Variants in MS4A4E observed in about 807,000 individuals in gnomAD.
The protein encoded by MS4A4E is membrane spanning 4-domains A4E, also known as putative membrane-spanning 4-domains subfamily A member 4E.
In MS4A4E, 23 loss-of-function variants were observed where a neutral mutation model predicts 13.3. The ratio of observed to expected loss-of-function variants is 1.73; its 90% CI spans 1.25 to 2.45. The LOEUF (loss-of-function observed/expected upper bound fraction) is 2.45. MS4A4E is among the 30% of genes most tolerant of loss of function. The pLI is 0.00. For synonymous variants in MS4A4E, 36 were observed against 45.6 expected (o/e 0.79, Z 0.85); for missense variants, 144 against 131.2 (o/e 1.10, Z -0.48).
chr11:60,208,306 GA>G (rs1202895385), intron 6 of MS4A4E, among the ~76,000 whole-genome samples: 1 of 152,170 alleles, frequency 6.6e-6, no homozygotes, highest in Non-Finnish European at 1.5e-5. Context: ...TGGTCTCAAA[GA>G]AAAAGTACAT....
Position 60,225,474 on chromosome 11 carries a change from T to C in MS4A4E, c.178+3120A>G, listed in dbSNP as rs549859080. Among the ~76,000 whole-genome samples, 8 of 151,676 alleles carry C rather than the reference T, an allele frequency of 5.3e-5. No homozygotes were observed. In the East Asian group the frequency reaches 1.4e-3, roughly 26 times the overall value. ...GGGAAGTAACCTGAAGAAAAAGGAGTGTATACAAGGGAAGAAAAAAAGAAG... is the reference window on the plus strand; with the variant it reads ...GGGAAGTAACCTGAAGAAAAAGGAGCGTATACAAGGGAAGAAAAAAAGAAG... On this transcript the variant is annotated intron_variant, in intron 3 of 8. Coordinates refer to ENST00000651255, the MANE Select transcript of MS4A4E (RefSeq NM_001393391.1).
chr11:60,235,856 C>T (rs2084476629), intron 1 of MS4A4E, among the ~76,000 whole-genome samples: 1 of 152,124 alleles, frequency 6.6e-6, no homozygotes. Flanking sequence ...CTAAAGTCTA[C>T]ATATAGGTCT....
chr11:60,224,973 A>AC (rs1207687431), intron 3 of MS4A4E: 1 of 1,520,158 alleles, frequency 6.6e-7, no homozygotes, highest in African/African-American at 1.4e-5. Flanking sequence ...ACCATCACTG[A>AC]CCCCCAAATT....
At chr11:60,242,722 T>G (rs913467021) in intron 1 of MS4A4E, among the ~76,000 whole-genome samples, 1 of 152,196 alleles carries the variant, frequency 6.6e-6, no homozygotes, top group Admixed American at 6.5e-5. Flanking sequence ...GTGTCAGCCT[T>G]TAGGAGGCTT....
intron 5 of MS4A4E, among the ~76,000 whole-genome samples, chr11:60,212,037 A>G (rs2084128560): frequency 6.6e-6 from 1 of 152,194 alleles, no homozygotes; most frequent in Admixed American, 6.5e-5. Context: ...ATGGCCCAAA[A>G]CATCAAGAAC....
chr11:60,226,306 CAA>C (rs555570587), intron 3 of MS4A4E, among the ~76,000 whole-genome samples: 1 of 146,164 alleles, frequency 6.8e-6, no homozygotes, highest in Non-Finnish European at 1.5e-5. Flanking sequence ...TATTATCTAC[CAA>C]AAAAAAAAGT....
At chr11:60,231,768 C>A (rs1030356274) in intron 1 of MS4A4E, among the ~76,000 whole-genome samples, 1 of 151,998 alleles carries the variant, frequency 6.6e-6, no homozygotes, top group Non-Finnish European at 1.5e-5. Context: ...GGAGAAATCC[C>A]AACAAAAAGA....
rs1190033438 is a variant in MS4A4E, at chr11:60,200,515, G to A, written c.*1028C>T. 6.6e-6 allele frequency among the ~76,000 whole-genome samples: 1 copy of A among 152,078 alleles called. No individual in the cohort carries two copies. On this transcript the variant is annotated 3_prime_UTR_variant, in exon 9 of 9. Coordinates refer to ENST00000651255, the MANE Select transcript of MS4A4E (RefSeq NM_001393391.1). ...CTCTTAACGAGCATGCTGCCTTCAAGCATCTGTTTAACAAAGCACACCTTG... is the reference window on the plus strand; with the variant it reads ...CTCTTAACGAGCATGCTGCCTTCAAACATCTGTTTAACAAAGCACACCTTG...
At chr11:60,215,269 C>A (rs58088198) in intron 3 of MS4A4E, among the ~76,000 whole-genome samples, 2,057 of 151,740 alleles carry the variant, frequency 0.014, 50 homozygotes, top group African/African-American at 0.046. Flanking sequence ...TTTCCAAATA[C>A]CCAGACATAG....
At chr11:60,212,589 G>A (rs1235534615) in intron 5 of MS4A4E, among the ~76,000 whole-genome samples, 2 of 152,186 alleles carry the variant, frequency 1.3e-5, no homozygotes, top group East Asian at 1.9e-4. Context: ...GATTACAGGC[G>A]TGAGCCACCG....
At chr11:60,238,558 T>C (rs936178607) in intron 1 of MS4A4E, among the ~76,000 whole-genome samples, 1 of 152,198 alleles carries the variant, frequency 6.6e-6, no homozygotes, top group African/African-American at 2.4e-5. Flanking sequence ...CTTGTAATTT[T>C]TGTCATTCAA....
Position 60,214,587 on chromosome 11 carries a change from C to A in MS4A4E, c.206G>T (p.Arg69Ile). 6.5e-7 allele frequency: 1 copy of A among 1,532,682 alleles called. No individual in the cohort carries two copies. The highest frequency in any genetic ancestry group is 8.7e-7 in the Non-Finnish European group (1 of 1,144,378). The allele number at this position is 1,532,682 out of a possible 1,614,324, so 94.9% of individuals were successfully genotyped here. Residue 69 changes from arginine to isoleucine, a missense_variant, in exon 4 of 9, where the codon AGA (arginine) becomes ATA (isoleucine). Coordinates refer to ENST00000651255, the MANE Select transcript of MS4A4E (RefSeq NM_001393391.1). ...SVSLSVAAGIRTTKGLVGGSL... is the reference protein window; with the variant it reads ...SVSLSVAAGIITTKGLVGGSL... ...ATTACTCACCAGACCTTTTGTTGTTCTAATTCCTGCTGCAACTGATAAGGA... is the reference window on the plus strand; with the variant it reads ...ATTACTCACCAGACCTTTTGTTGTTATAATTCCTGCTGCAACTGATAAGGA...
At chr11:60,229,466 G>A (rs768369777) in intron 2 of MS4A4E, among the ~76,000 whole-genome samples, 25 of 151,982 alleles carry the variant, frequency 1.6e-4, no homozygotes, top group Non-Finnish European at 3.4e-4. Context: ...AGACACGTTC[G>A]CCTGAGACTC....
Position 60,205,686 on chromosome 11 carries a change from G to A in MS4A4E, c.590+28C>T, listed in dbSNP as rs180693802. Among the ~76,000 whole-genome samples, 48 of 152,318 alleles carry A rather than the reference G, an allele frequency of 3.2e-4. No individual in the cohort carries two copies. In the East Asian group the frequency reaches 8.7e-3, roughly 28 times the overall value. On this transcript the variant is annotated intron_variant, in intron 7 of 8. Coordinates refer to ENST00000651255, the MANE Select transcript of MS4A4E (RefSeq NM_001393391.1). ...GATAGCAAGATGAAAACCCAGGGTT[G>A]TCTGATTAGAAAGTCCACATTATTT...
intron 6 of MS4A4E, among the ~76,000 whole-genome samples, chr11:60,208,322 A>C (rs1350111544): frequency 6.6e-6 from 1 of 152,184 alleles, no homozygotes; most frequent in Non-Finnish European, 1.5e-5. Context: ...GTACATTGTC[A>C]TGAGTCCTCA....
At chr11:60,225,171 T>C (rs1257677834) in intron 3 of MS4A4E, 2 of 1,322,270 alleles carry the variant, frequency 1.5e-6, no homozygotes, top group Non-Finnish European at 2.0e-6. Context: ...ATCACTAAGC[T>C]ATCCTTATTC....
chr11:60,240,245 T>G (rs1388054423), intron 1 of MS4A4E, among the ~76,000 whole-genome samples: 1 of 152,262 alleles, frequency 6.6e-6, no homozygotes, highest in Non-Finnish European at 1.5e-5. Flanking sequence ...GTTAAATGTC[T>G]GGTAGTTTGT....
At chr11:60,232,228 A>G (rs992448874) in intron 1 of MS4A4E, among the ~76,000 whole-genome samples, 15 of 149,168 alleles carry the variant, frequency 1.0e-4, no homozygotes, top group Non-Finnish European at 1.8e-4. Flanking sequence ...TGTCTTCAGA[A>G]TTCTAGAGAA....
At chr11:60,238,166 G>A (rs545235838) in intron 1 of MS4A4E, among the ~76,000 whole-genome samples, 15 of 151,266 alleles carry the variant, frequency 9.9e-5, no homozygotes, top group African/African-American at 2.7e-4. Flanking sequence ...TCTTGATTTT[G>A]GTGTCAAAAT....
Sources: allele counts gnomAD v4.1 joint callset (sites outside exome capture counted in the v4.1 genomes callset), GRCh38; gene constraint gnomAD v4.1.1; transcripts MANE v1.5; gene names NCBI Gene and HGNC (gene_info 2026-07-23, HGNC 2026-07-21).